WDR47: variants seen among roughly 807,000 people sequenced by gnomAD.
The protein encoded by WDR47 is WD repeat-containing protein 47.
In WDR47, 32 loss-of-function variants were observed where a neutral mutation model predicts 97.2. The ratio of observed to expected loss-of-function variants is 0.33; its 90% CI spans 0.25 to 0.44. The LOEUF (loss-of-function observed/expected upper bound fraction) is 0.44. Ranked by LOEUF, WDR47 falls within the 20% of genes least tolerant of loss-of-function variation. The pLI is 1.00. For synonymous variants in WDR47, 375 were observed against 373.5 expected (o/e 1.00, Z -0.05); for missense variants, 782 against 1,102.3 (o/e 0.71, Z 4.11).
chr1:109,016,447 A>C (rs1044024637), intron 3 of WDR47, among the ~76,000 whole-genome samples: 1 of 152,172 alleles, frequency 6.6e-6, no homozygotes. Flanking sequence ...AATGAGAGGA[A>C]GATCCAAAAA....
chr1:108,997,677 G>A (rs1239672751), intron 7 of WDR47, among the ~76,000 whole-genome samples: 7 of 147,204 alleles, frequency 4.8e-5, no homozygotes, highest in East Asian at 2.1e-4. Context: ...GGAGAATGGC[G>A]TGAACCTGGG....
intron 7 of WDR47, among the ~76,000 whole-genome samples, chr1:108,996,547 T>C (rs563956806): frequency 2.1e-4 from 32 of 152,198 alleles, no homozygotes; most frequent in Non-Finnish European, 4.4e-4. Flanking sequence ...TTGAGTAGTA[T>C]CAAGTAGGAA....
rs889727796 is a variant in WDR47 at position 109,030,442 on chromosome 1, A to T, written c.-9-6921T>A. The T allele has an allele frequency of 3.0e-5, 10 of 328,294 alleles. No individual in the cohort carries two copies. In the Admixed American group the frequency reaches 4.7e-4, roughly 16 times the overall value. The allele number at this position is 328,294 out of a possible 1,614,324, so 20.3% of individuals were successfully genotyped here. Reference sequence around the variant, plus strand: ...ATCTGCAATGCGGTTACTTAAACACACATTATGAAGGAAAAAAAACACAAC... The same window carrying T: ...ATCTGCAATGCGGTTACTTAAACACTCATTATGAAGGAAAAAAAACACAAC... On this transcript the variant is annotated intron_variant, in intron 1 of 14. Coordinates refer to ENST00000369962, the MANE Select transcript of WDR47 (RefSeq NM_001142551.2).
At chr1:108,992,751 T>A in intron 8 of WDR47, 2 of 1,596,416 alleles carry the variant, frequency 1.3e-6, no homozygotes, top group Middle Eastern at 2.3e-4. Context: ...GAACAGATTG[T>A]TCCTAAACCA....
chr1:108,988,130 A>T (rs2101842445), intron 9 of WDR47, among the ~76,000 whole-genome samples: 1 of 144,088 alleles, frequency 6.9e-6, no homozygotes, highest in Non-Finnish European at 1.5e-5. Flanking sequence ...CTGTAGTCTC[A>T]GCTACTTGGG....
Position 109,025,501 on chromosome 1 carries a change from T to C in WDR47, c.-9-1980A>G, listed in dbSNP as rs547095276. Among the ~76,000 whole-genome samples, 6 of 148,300 alleles carry C rather than the reference T, an allele frequency of 4.0e-5. No homozygotes were observed. The East Asian group carries it at 1.2e-3, about 30-fold the overall frequency. ...CTGTAATCCCAGCACTTTGGGAGGCTGAGACGGGTGGATTATGAGATCAGG... is the reference window on the plus strand; with the variant it reads ...CTGTAATCCCAGCACTTTGGGAGGCCGAGACGGGTGGATTATGAGATCAGG... On this transcript the variant is annotated intron_variant, in intron 1 of 14. Transcript: ENST00000369962.
chr1:109,003,999 TC>T (rs1469844299), intron 6 of WDR47, among the ~76,000 whole-genome samples: 1 of 152,042 alleles, frequency 6.6e-6, no homozygotes. Flanking sequence ...GCGCGGTGGC[TC>T]AAGCCTGTAA....
rs748653113 is a variant in WDR47, at chr1:108,983,364, A to C, written c.2013T>G (p.Pro671=). 6.2e-7 allele frequency: 1 copy of C among 1,613,322 alleles called. No homozygotes were observed. Among genetic ancestry groups the C allele is most frequent in the Non-Finnish European group, 8.5e-7 (1 of 1,179,622 alleles). Residue 671 remains proline (P), a synonymous_variant, in exon 11 of 15, where the codon CCT becomes CCG. Coordinates refer to ENST00000369962, the MANE Select transcript of WDR47 (RefSeq NM_001142551.2). ...KGSIYCVAWS[P]CGQLLATGSN... is the part of the protein sequence containing the mutation. ...ATCCTGTTGCTAATAACTGCCCACA[A>C]GGACTCCAGGCCACACAGTAAATGG... is the stretch of plus-strand genomic sequence containing the variant.
At chr1:109,017,718 T>A in intron 2 of WDR47, 117 bp from the exon 3 acceptor site, 1 of 769,560 alleles carries the variant, frequency 1.3e-6, no homozygotes, top group Non-Finnish European at 2.1e-6. Flanking sequence ...GAGATTAACA[T>A]TTTATTTGAT....
chr1:108,973,474 A>G (rs923520112), intron 14 of WDR47, among the ~76,000 whole-genome samples: 4 of 152,342 alleles, frequency 2.6e-5, no homozygotes, highest in South Asian at 4.1e-4. Flanking sequence ...TTGATATACA[A>G]TAAATATTTG....
intron 3 of WDR47, 126 bp downstream of exon 3, chr1:109,017,392 G>C: frequency 1.3e-6 from 1 of 759,922 alleles, no homozygotes; most frequent in Non-Finnish European, 2.2e-6. Context: ...GACAGAGAGA[G>C]ATCAATTTGT....
At chr1:109,020,293 G>A (rs901776570) in intron 2 of WDR47, among the ~76,000 whole-genome samples, 3 of 150,450 alleles carry the variant, frequency 2.0e-5, no homozygotes, top group African/African-American at 7.3e-5. Flanking sequence ...CTGGAATGCA[G>A]TGGCACGATC....
intron 1 of WDR47, 106 bp from the exon 2 acceptor site, chr1:109,023,627 C>T (rs900574468): frequency 8.8e-7 from 1 of 1,139,472 alleles, no homozygotes; most frequent in Non-Finnish European, 1.2e-6. Flanking sequence ...CTTTAGTACA[C>T]ATATTCTGAA....
chr1:109,029,971 A>G, intron 1 of WDR47: 2 of 387,752 alleles, frequency 5.2e-6, no homozygotes, highest in Admixed American at 4.5e-5. Context: ...AAACTTCATG[A>G]AAAAATATCA....
chr1:109,008,755 G>A (rs958407290), intron 5 of WDR47, among the ~76,000 whole-genome samples: 14 of 151,930 alleles, frequency 9.2e-5, no homozygotes, highest in African/African-American at 2.4e-4. Flanking sequence ...CTACAGGCCC[G>A]TGCCACCACA....
chr1:109,036,272 C>T (rs1662932643), intron 1 of WDR47, among the ~76,000 whole-genome samples: 2 of 152,144 alleles, frequency 1.3e-5, no homozygotes, highest in African/African-American at 4.8e-5. Context: ...GTTAATCCCC[C>T]TCCTAAAGAA....
intron 8 of WDR47, among the ~76,000 whole-genome samples, chr1:108,993,949 A>G (rs1659558661): frequency 1.3e-5 from 2 of 152,246 alleles, no homozygotes; most frequent in South Asian, 4.1e-4. Flanking sequence ...CCAGTTGTAA[A>G]TAACATTTAC....
chr1:109,033,692 G>A (rs547514246), intron 1 of WDR47, among the ~76,000 whole-genome samples: 20 of 152,262 alleles, frequency 1.3e-4, no homozygotes, highest in South Asian at 1.0e-3. Context: ...AGGCCAAGGC[G>A]GGCAGATCAC....
At chr1:109,012,179 G>A (rs1174310913) in intron 4 of WDR47, among the ~76,000 whole-genome samples, 1 of 151,954 alleles carries the variant, frequency 6.6e-6, no homozygotes, top group Non-Finnish European at 1.5e-5. Flanking sequence ...GCATGCCAAT[G>A]TTCAATTGTT....
Sources: gnomAD v4.1 joint callset for allele counts (sites outside exome capture counted in the v4.1 genomes callset) on GRCh38, gnomAD v4.1.1 for gene constraint, MANE v1.5 for transcripts, NCBI Gene and HGNC (gene_info 2026-07-23, HGNC 2026-07-21) for gene names.